The following SEMA5A variants were observed in gnomAD, a reference collection of about 807,000 sequenced individuals.
SEMA5A encodes semaphorin 5A, also known as semaphorin-5A.
In SEMA5A, 55 loss-of-function variants were observed where a neutral mutation model predicts 135.5. The observed-to-expected ratio is 0.41, with a 90% confidence interval of 0.33 to 0.51. SEMA5A has a LOEUF of 0.51. Among genes scored for constraint, SEMA5A ranks in the 20% least tolerant of loss-of-function variants. The probability of loss-of-function intolerance (pLI) is 0.37; values close to 1 mark genes in which losing one functional copy is unlikely to be tolerated. For synonymous variants in SEMA5A, 580 were observed against 546.5 expected, an observed-to-expected ratio of 1.06 and a Z score of -0.85; for missense variants, 1,290 against 1,419.9, an observed-to-expected ratio of 0.91 and a Z score of 1.47.
At chr5:9,450,756 CAAA>C (rs755349461) in intron 1 of SEMA5A, among the ~76,000 whole-genome samples, 6 of 129,238 alleles carry the variant, frequency 4.6e-5, no homozygotes, top group Non-Finnish European at 6.8e-5. Flanking sequence ...TCTACCACAT[CAAA>C]AAAAAAAAAA....
intron 2 of SEMA5A, among the ~76,000 whole-genome samples, chr5:9,423,975 A>G (rs1482836672): frequency 6.6e-6 from 1 of 152,228 alleles, no homozygotes; most frequent in Non-Finnish European, 1.5e-5. Context: ...CTCTGGGGAA[A>G]AATTATAACA....
intron 4 of SEMA5A, among the ~76,000 whole-genome samples, chr5:9,331,364 C>A (rs1380655592): frequency 6.6e-6 from 1 of 152,090 alleles, no homozygotes; most frequent in Non-Finnish European, 1.5e-5. Context: ...AGAAGCCTAC[C>A]GTTTATTTTA....
intron 2 of SEMA5A, among the ~76,000 whole-genome samples, chr5:9,427,317 A>T (rs75236776): frequency 1.3e-5 from 2 of 151,546 alleles, no homozygotes; most frequent in Non-Finnish European, 1.5e-5. Flanking sequence ...CTCGGGGGGG[A>T]AAAAGATGAA....
chr5:9,153,948 A>G (rs1742777311), intron 12 of SEMA5A, among the ~76,000 whole-genome samples: 1 of 149,672 alleles, frequency 6.7e-6, no homozygotes, highest in Admixed American at 6.7e-5. Context: ...TGGGAGGCTG[A>G]GGCACGAGAA....
intron 12 of SEMA5A, among the ~76,000 whole-genome samples, chr5:9,152,304 T>C (rs560244641): frequency 1.3e-5 from 2 of 152,282 alleles, no homozygotes; most frequent in South Asian, 4.1e-4. Context: ...ATTCCAGCTA[T>C]GACATCCTGT....
rs190038932 is a variant in SEMA5A at position 9,170,174 on chromosome 5, T to A, written c.1274-15479A>T. On this transcript the variant is annotated intron_variant, in intron 11 of 22. Transcript: ENST00000382496. ...CTGAGGGCTTTCAAATGCTTCAGTGTCCTACCTTCCATGTCCAGCCTGGTA... is the reference window on the plus strand; with the variant it reads ...CTGAGGGCTTTCAAATGCTTCAGTGACCTACCTTCCATGTCCAGCCTGGTA... Among the ~76,000 whole-genome samples, 396 of 152,274 alleles carry A rather than the reference T, an allele frequency of 2.6e-3. 2 individuals are homozygous for A. Among genetic ancestry groups the A allele is most frequent in the African/African-American group, 9.3e-3 (388 of 41,544 alleles).
chr5:9,296,157 C>T (rs1248216680), intron 5 of SEMA5A, among the ~76,000 whole-genome samples: 3 of 152,016 alleles, frequency 2.0e-5, no homozygotes, highest in African/African-American at 4.8e-5. Flanking sequence ...AGAGTTGAAC[C>T]CCACAGAAGG....
At chr5:9,107,117 A>C (rs961429028) in intron 16 of SEMA5A, among the ~76,000 whole-genome samples, 38 of 152,320 alleles carry the variant, frequency 2.5e-4, no homozygotes, top group African/African-American at 7.7e-4. Context: ...GCAAAGGCCA[A>C]CTGGAAAGAT....
Position 9,197,253 on chromosome 5 carries a change from G to A in SEMA5A, c.983C>T (p.Ala328Val), listed in dbSNP as rs375422150. The change falls in exon 10 of 23, where the codon GCG becomes GTG. Residue 328 changes from alanine (A) to valine (V), a missense_variant. Around this residue, in one of 3 missense-constraint regions of SEMA5A, gnomAD observed 1,029 missense variants for 1,086.6 expected, o/e 0.95. Transcript: ENST00000382496. ...AVCVFNLSAI[A>V]QAFSGPFKYQ... ...CTTGAAGGGCCCAGAGAAGGCCTGC[G>A]CGATGGCGCTCAGGTTGAAGACGCA... 12 of 1,614,086 alleles carry A rather than the reference G, an allele frequency of 7.4e-6. No homozygotes were observed. The African/African-American group carries it at 8.0e-5, about 11-fold the overall frequency.
intron 11 of SEMA5A, among the ~76,000 whole-genome samples, chr5:9,173,138 A>C (rs1744016945): frequency 6.6e-6 from 1 of 152,170 alleles, no homozygotes; most frequent in Admixed American, 6.5e-5. Context: ...ATGAAATGGC[A>C]CTGTTGAAGA....
At chr5:9,527,644 C>G (rs758464914) in intron 1 of SEMA5A, among the ~76,000 whole-genome samples, 1 of 152,074 alleles carries the variant, frequency 6.6e-6, no homozygotes, top group Non-Finnish European at 1.5e-5. Flanking sequence ...CAAAGTAATA[C>G]TTGCTAACAT....
At chr5:9,451,433 G>A (rs768274443) in intron 1 of SEMA5A, among the ~76,000 whole-genome samples, 4 of 152,122 alleles carry the variant, frequency 2.6e-5, no homozygotes, top group Non-Finnish European at 5.9e-5. Flanking sequence ...TTCAGGGTAC[G>A]CTGGAAGAAG....
chr5:9,181,840 G>T (rs995048173), intron 11 of SEMA5A, among the ~76,000 whole-genome samples: 1 of 151,970 alleles, frequency 6.6e-6, no homozygotes, highest in African/African-American at 2.4e-5. Flanking sequence ...CATGGTACTC[G>T]ATTCAATCTG....
chr5:9,211,564 G>C (rs1746347815), intron 8 of SEMA5A, among the ~76,000 whole-genome samples: 1 of 152,104 alleles, frequency 6.6e-6, no homozygotes, highest in Non-Finnish European at 1.5e-5. Context: ...GCCCAACAAA[G>C]TCACGCCACC....
At chr5:9,353,189 G>GGGAAAGGAAA (rs1204266521) in intron 3 of SEMA5A, among the ~76,000 whole-genome samples, 1,869 of 16,674 alleles carry the variant, frequency 0.11, 225 homozygotes, top group Middle Eastern at 0.2. Context: ...AGGAAGGGAA[G>GGGAAAGGAAA]GGAAAGGAAA....
At chr5:9,229,655 T>C (rs1353824362) in intron 6 of SEMA5A, among the ~76,000 whole-genome samples, 2 of 151,448 alleles carry the variant, frequency 1.3e-5, no homozygotes, top group Non-Finnish European at 2.9e-5. Flanking sequence ...AAGGGTGAGG[T>C]TTTGTTTGTT....
rs1743236692 is a variant in SEMA5A, at chr5:9,161,234, C to T, written c.1274-6539G>A. Among the ~76,000 whole-genome samples, 6 of 151,810 alleles carry T rather than the reference C, an allele frequency of 4.0e-5. No homozygotes were observed. In the South Asian group the frequency reaches 1.2e-3, roughly 32 times the overall value. The stretch of plus-strand genomic sequence containing the variant: ...AAATTCCTAATGCATTTCATGGGAA[C>T]GCAGTGACCTGAACGCGGGAACTGG... On this transcript the variant is annotated intron_variant, in intron 11 of 22. Transcript: ENST00000382496.
intron 1 of SEMA5A, among the ~76,000 whole-genome samples, chr5:9,482,771 T>C (rs1401481160): frequency 1.3e-5 from 2 of 152,170 alleles, no homozygotes; most frequent in African/African-American, 4.8e-5. Context: ...GCACAGGAAG[T>C]GGAACTGAAA....
At chr5:9,311,582 G>A (rs755089293) in intron 5 of SEMA5A, among the ~76,000 whole-genome samples, 14 of 136,954 alleles carry the variant, frequency 1.0e-4, no homozygotes, top group African/African-American at 2.1e-4. Flanking sequence ...ATCACACTCC[G>A]GGGACTGTTG....
Sources: allele counts gnomAD v4.1 joint callset (sites outside exome capture counted in the v4.1 genomes callset), GRCh38; gene constraint gnomAD v4.1.1; regional missense constraint gnomAD v4.1.1; transcripts MANE v1.5; gene names NCBI Gene and HGNC (gene_info 2026-07-23, HGNC 2026-07-21).